Variants in CEP89 observed in about 807,000 individuals in gnomAD.
The protein encoded by CEP89 is centrosomal protein 89, also known as centrosomal protein of 89 kDa.
In CEP89, 95 loss-of-function variants were observed where a neutral mutation model predicts 97.6. The observed-to-expected ratio is 0.97, with a 90% CI of 0.82 to 1.15. The LOEUF is 1.15. Among genes scored for constraint, CEP89 ranks in the 50% most tolerant of loss-of-function variants. The probability of loss-of-function intolerance (pLI) is 0.00; values close to 1 mark genes in which losing one functional copy is unlikely to be tolerated. For missense variants in CEP89, 869 were observed against 947.7 expected (o/e 0.92, Z 1.09); for synonymous variants, 354 against 349.1 (o/e 1.01, Z -0.16).
chr19:32,933,404 T>G (rs1970515233), intron 8 of CEP89, 47 bp downstream of exon 8: 9 of 1,244,974 alleles, frequency 7.2e-6, no homozygotes, highest in African/African-American at 1.5e-5. Flanking sequence ...AATAATTGAG[T>G]GAAGTCCTGC....
intron 2 of CEP89, among the ~76,000 whole-genome samples, chr19:32,963,215 G>T (rs1400461991): frequency 6.6e-6 from 1 of 152,098 alleles, no homozygotes; most frequent in African/African-American, 2.4e-5. Context: ...AATTAGCCGG[G>T]TGTGGTGGTG....
In CEP89 at chr19:32,923,501, C is replaced by T; in HGVS notation, c.1206G>A (p.Val402=). ...CTTGGTGCAATTCTTCATTTTCTTT[C>T]ACCACTTCTTGGACTCGCATCCTAA... ...RMFRMRVQEV[V]KENEELHQEL... The change falls in exon 12 of 19, where the codon GTG becomes GTA. Residue 402 remains valine, a synonymous_variant. Transcript: ENST00000305768. 1 of 1,611,224 alleles carries T rather than the reference C, an allele frequency of 6.2e-7. No individual in the cohort carries two copies. Among genetic ancestry groups the T allele is most frequent in the Non-Finnish European group, 8.5e-7 (1 of 1,177,566 alleles).
At chr19:32,903,669 T>G (rs1291274401) in intron 14 of CEP89, among the ~76,000 whole-genome samples, 1 of 152,180 alleles carries the variant, frequency 6.6e-6, no homozygotes, top group East Asian at 1.9e-4. Flanking sequence ...AGACACTGTC[T>G]GATTGAAGCC....
At chr19:32,899,522 A>C (rs991160636) in intron 16 of CEP89, among the ~76,000 whole-genome samples, 1 of 152,206 alleles carries the variant, frequency 6.6e-6, no homozygotes, top group Non-Finnish European at 1.5e-5. Flanking sequence ...AACAAACTGT[A>C]TATCAAAAAT....
chr19:32,915,352 A>G lies in CEP89; in HGVS notation c.1550T>C (p.Val517Ala), dbSNP rs1970101226. Residue 517 changes from valine (V) to alanine (A), a missense_variant, in exon 14 of 19, where the codon GTG (valine) becomes GCG (alanine). Val to Ala is a moderately conservative substitution (Grantham distance 64, BLOSUM62 0). Transcript: ENST00000305768. ...KIAVEVHKSI[V>A]NELKSQLQKE... ...AAATCCTTACCTTTTTAATTCATTC[A>G]CAATTGATTTATGAACTTCCACTGC... 1 of 1,593,940 alleles carries G rather than the reference A, an allele frequency of 6.3e-7. No individual in the cohort carries two copies. The highest frequency in any genetic ancestry group is 1.4e-5 in the African/African-American group (1 of 73,350).
chr19:32,896,422 A>G (rs763411532), intron 16 of CEP89, among the ~76,000 whole-genome samples: 1 of 152,182 alleles, frequency 6.6e-6, no homozygotes, highest in Non-Finnish European at 1.5e-5. Context: ...CCATATACAG[A>G]AAAATGAAAT....
At chr19:32,953,517 T>C (rs1970969524) in intron 4 of CEP89, 98 bp downstream of exon 4, 2 of 941,120 alleles carry the variant, frequency 2.1e-6, no homozygotes, top group East Asian at 4.9e-5. Context: ...TGCTATCAAA[T>C]GCAGAATAGA....
rs184003363 is a variant in CEP89 at position 32,917,303 on chromosome 19, T to G, written c.1384+921A>C. Reference sequence around the variant, plus strand: ...CAAATACTCCTGGGCCATGCAGGTCTCAGGAGAAATCACATGGAGGAAACT... The same window carrying G: ...CAAATACTCCTGGGCCATGCAGGTCGCAGGAGAAATCACATGGAGGAAACT... On this transcript the variant is annotated intron_variant, in intron 13 of 18. Transcript: ENST00000305768. Among the ~76,000 whole-genome samples the G allele has an allele frequency of 4.5e-3, 684 of 152,296 alleles. 2 individuals are homozygous for G. Among genetic ancestry groups the G allele is most frequent in the African/African-American group, 0.016 (664 of 41,562 alleles).
At chr19:32,926,816 C>A in intron 10 of CEP89, 118 bp downstream of exon 10, 1 of 821,682 alleles carries the variant, frequency 1.2e-6, no homozygotes, top group Non-Finnish European at 2.0e-6. Context: ...CCCGCCTCAG[C>A]CTTCCAAAGT....
At chr19:32,895,648 C>A (rs1187683165) in intron 16 of CEP89, among the ~76,000 whole-genome samples, 1 of 151,108 alleles carries the variant, frequency 6.6e-6, no homozygotes, top group Non-Finnish European at 1.5e-5. Flanking sequence ...AAATAAAAGT[C>A]ATCCAAATTA....
At position 32,931,539 on chromosome 19, in the gene CEP89, G is replaced by T. The variant is rs774647532; in HGVS notation, c.919C>A (p.Gln307Lys). The T allele has an allele frequency of 1.3e-6, 2 of 1,581,442 alleles. No homozygotes were observed. Among genetic ancestry groups the T allele is most frequent in the Non-Finnish European group, 1.7e-6 (2 of 1,172,236 alleles). ...AAPELLYLRK[Q>K]AQELVDENDG... Reference sequence around the variant, plus strand: ...TTTTCATCCACCAGTTCTTGAGCTTGTTTTCGCAGATAAAGTAATTCAGGT... The same window carrying T: ...TTTTCATCCACCAGTTCTTGAGCTTTTTTTCGCAGATAAAGTAATTCAGGT... Residue 307 changes from glutamine to lysine, a missense_variant, in exon 9 of 19, where the codon CAA becomes AAA. By Grantham distance (53) the Gln-to-Lys change is moderately conservative. Transcript: ENST00000305768.
chr19:32,903,237 C>T (rs985683605), intron 14 of CEP89, among the ~76,000 whole-genome samples: 3 of 151,726 alleles, frequency 2.0e-5, no homozygotes, highest in African/African-American at 7.3e-5. Context: ...AATAATCCAA[C>T]AATTCTCTAG....
rs866040615 is a variant in CEP89 at position 32,971,906 on chromosome 19, T to C, written c.-32A>G. The C allele has an allele frequency of 1.9e-6, 3 of 1,574,464 alleles. No individual in the cohort carries two copies. Among genetic ancestry groups the C allele is most frequent in the Non-Finnish European group, 2.6e-6 (3 of 1,158,638 alleles). ...AGCGCGAGGAGAATGGACCGGGGCCTGGACTCATCAGCAGATCTATCCACA... is the reference window on the plus strand; with the variant it reads ...AGCGCGAGGAGAATGGACCGGGGCCCGGACTCATCAGCAGATCTATCCACA... On this transcript the variant is annotated 5_prime_UTR_variant, in exon 1 of 19. Coordinates refer to ENST00000305768, the MANE Select transcript of CEP89 (RefSeq NM_032816.5).
intron 17 of CEP89, among the ~76,000 whole-genome samples, chr19:32,886,806 C>T (rs1331613395): frequency 1.3e-5 from 2 of 150,912 alleles, no homozygotes; most frequent in Non-Finnish European, 2.9e-5. Context: ...TCAATACTTC[C>T]ATGCCGAGTC....
intron 15 of CEP89, among the ~76,000 whole-genome samples, chr19:32,900,947 G>A (rs7252134): frequency 0.38 from 56,907 of 148,540 alleles, 11,109 homozygotes; most frequent in Non-Finnish European, 0.41. Context: ...GTGCAGTGGC[G>A]TGATCTCGGC....
rs1245744469 is a variant in CEP89, at chr19:32,907,256, G to C, written c.1566-5844C>G. ...CGTGACTATAGTCCCAGCCACTGGG[G>C]AGACTGAGGCAGGAGAATCGCTTGA... On this transcript the variant is annotated intron_variant, in intron 14 of 18. Transcript: ENST00000305768. Among the ~76,000 whole-genome samples, 6 of 152,174 alleles carry C rather than the reference G, an allele frequency of 3.9e-5. No individual in the cohort carries two copies. The East Asian group carries it at 1.2e-3, about 29-fold the overall frequency.
chr19:32,913,252 C>T (rs1970043549), intron 14 of CEP89, among the ~76,000 whole-genome samples: 1 of 150,120 alleles, frequency 6.7e-6, no homozygotes, highest in Non-Finnish European at 1.5e-5. Flanking sequence ...CATACACACA[C>T]ATACAAGATT....
chr19:32,903,495 T>C (rs1404474559), intron 14 of CEP89, among the ~76,000 whole-genome samples: 4 of 151,986 alleles, frequency 2.6e-5, no homozygotes, highest in Admixed American at 6.6e-5. Context: ...AAGAGAAAAA[T>C]AGCATGCTGG....
intron 9 of CEP89, among the ~76,000 whole-genome samples, chr19:32,927,563 A>C (rs1970386826): frequency 6.6e-6 from 1 of 152,038 alleles, no homozygotes; most frequent in Non-Finnish European, 1.5e-5. Flanking sequence ...CAAGGATCCA[A>C]TTCAGGGTCA....
Sources: allele counts gnomAD v4.1 joint callset (sites outside exome capture counted in the v4.1 genomes callset), GRCh38; gene constraint gnomAD v4.1.1; transcripts MANE v1.5; gene names NCBI Gene and HGNC (gene_info 2026-07-23, HGNC 2026-07-21).